SCARB2: variants seen among roughly 807,000 people sequenced by gnomAD.
SCARB2 encodes the protein scavenger receptor class B member 2, also known as lysosome membrane protein 2.
In SCARB2, 29 loss-of-function variants were observed where a neutral mutation model predicts 58.6. The ratio of observed to expected loss-of-function variants is 0.49; its 90% CI spans 0.37 to 0.67. The LOEUF (loss-of-function observed/expected upper bound fraction) is 0.67, where lower values mean the gene tolerates loss of function less well. Among genes scored for constraint, SCARB2 ranks in the 30% least tolerant of loss-of-function variants. SCARB2 has a pLI of 0.00. For missense variants in SCARB2, 488 were observed against 578.5 expected, an observed-to-expected ratio of 0.84 and a Z score of 1.60; for synonymous variants, 195 against 210.1, an observed-to-expected ratio of 0.93 and a Z score of 0.62.
chr4:76,211,865 T>C (rs1733054155), intron 1 of SCARB2, among the ~76,000 whole-genome samples: 1 of 152,232 alleles, frequency 6.6e-6, no homozygotes. Context: ...TGAGCAGCTC[T>C]GAAAGTCCAC....
chr4:76,230,478 GC>G (rs1382072293), intron 1 of SCARB2, among the ~76,000 whole-genome samples: 1 of 152,142 alleles, frequency 6.6e-6, no homozygotes, highest in Non-Finnish European at 1.5e-5. Context: ...GGCCTCACCT[GC>G]CCCTCCCTGT....
At chr4:76,163,085 T>G in intron 11 of SCARB2, 140 bp downstream of exon 11, 2 of 1,069,738 alleles carry the variant, frequency 1.9e-6, no homozygotes, top group East Asian at 2.5e-5. Flanking sequence ...AGCAGTAAAA[T>G]AAGCACGAAA....
intron 1 of SCARB2, among the ~76,000 whole-genome samples, chr4:76,206,628 C>T (rs1732935953): frequency 6.6e-6 from 1 of 151,614 alleles, no homozygotes; most frequent in African/African-American, 2.4e-5. Context: ...TAAGACATTG[C>T]ATTTGGCAGT....
intron 9 of SCARB2, among the ~76,000 whole-genome samples, chr4:76,167,283 T>G (rs138083682): frequency 6.6e-6 from 1 of 152,292 alleles, no homozygotes; most frequent in Non-Finnish European, 1.5e-5. Flanking sequence ...GTTTGGATAC[T>G]TGTTCCCCCA....
rs1309952891 is a variant in SCARB2 at position 76,159,399 on chromosome 4, C to G, written c.*2314G>C. 1 of 152,172 alleles carries G rather than the reference C, an allele frequency of 6.6e-6. No individual in the cohort carries two copies. The highest frequency in any genetic ancestry group is 1.5e-5 in the Non-Finnish European group (1 of 68,030). The allele number at this position is 152,172 out of a possible 1,614,324, so 9.4% of individuals were successfully genotyped here. A position where few individuals can be genotyped will look rare whatever the true frequency, so the allele number is the denominator to read the frequency against. On this transcript the variant is annotated 3_prime_UTR_variant, in exon 12 of 12. Transcript: ENST00000264896. ...CTCAGACTTTTCAGAAGGATAGTAT[C>G]AAATGTGATTTAAACCAAGTAACTA...
At chr4:76,165,613 C>T (rs965900436) in intron 10 of SCARB2, 1 of 152,112 alleles carries the variant, frequency 6.6e-6, no homozygotes, top group Admixed American at 6.5e-5. Context: ...CAGGCTGACA[C>T]AGATTTTGTG....
upstream of SCARB2, chr4:76,217,803 A>G (rs1733239364): frequency 2.5e-6 from 1 of 404,660 alleles, no homozygotes; most frequent in Admixed American, 4.3e-5. Flanking sequence ...TCTGAGAAGA[A>G]CAAGTACACT....
intron 2 of SCARB2, among the ~76,000 whole-genome samples, chr4:76,186,808 T>C (rs1241645533): frequency 6.6e-6 from 1 of 152,202 alleles, no homozygotes; most frequent in African/African-American, 2.4e-5. Context: ...CTATTTTTTT[T>C]TACTTCTGAG....
At chr4:76,170,179 T>A (rs1732100169) in intron 7 of SCARB2, among the ~76,000 whole-genome samples, 194 bp from the exon 8 acceptor site, 1 of 152,168 alleles carries the variant, frequency 6.6e-6, no homozygotes, top group Non-Finnish European at 1.5e-5. Flanking sequence ...GACATCTCAT[T>A]TACCCCCAAT....
At chr4:76,209,355 CTTCT>C in intron 1 of SCARB2, among the ~76,000 whole-genome samples, 1 of 152,162 alleles carries the variant, frequency 6.6e-6, no homozygotes, top group South Asian at 2.1e-4. Flanking sequence ...TTACATTTTA[CTTCT>C]TTTTTTATTT....
At chr4:76,220,129 TC>T (rs1355073571) in intron 1 of SCARB2, among the ~76,000 whole-genome samples, 2 of 152,180 alleles carry the variant, frequency 1.3e-5, no homozygotes, top group Non-Finnish European at 2.9e-5. Context: ...AACAGAATTA[TC>T]ATATGACCTA....
At chr4:76,163,575 A>T (rs1387486629) in intron 10 of SCARB2, 192 bp from the exon 11 acceptor site, 1 of 631,524 alleles carries the variant, frequency 1.6e-6, no homozygotes, top group Non-Finnish European at 2.7e-6. Context: ...TCTTCTCCTG[A>T]AGACATTTTT....
upstream of SCARB2, among the ~76,000 whole-genome samples, chr4:76,216,061 G>T (rs765749508): frequency 6.6e-6 from 1 of 152,098 alleles, no homozygotes; most frequent in Non-Finnish European, 1.5e-5. Flanking sequence ...AACCTGGTGG[G>T]GTCCTGAATG....
At chr4:76,173,288 C>A (rs775759122) in intron 7 of SCARB2, 8 of 151,348 alleles carry the variant, frequency 5.3e-5, no homozygotes, top group African/African-American at 1.9e-4. Flanking sequence ...TGCCATGATA[C>A]GTACTTTCTT....
intron 9 of SCARB2, among the ~76,000 whole-genome samples, chr4:76,168,102 A>C: frequency 6.6e-6 from 1 of 152,226 alleles, no homozygotes; most frequent in East Asian, 1.9e-4. Flanking sequence ...AAGTTACCTA[A>C]ACACTCTGCT....
intron 8 of SCARB2, among the ~76,000 whole-genome samples, chr4:76,169,341 C>CACACACACACACACACACACATAT (rs3217498): frequency 4.6e-5 from 7 of 151,126 alleles, no homozygotes; most frequent in African/African-American, 1.5e-4. Flanking sequence ...CACACACACA[C>CACACACACACACACACACACATAT]GTGTGTATGT....
In SCARB2 at chr4:76,213,813, G is replaced by A. The variant is rs536426142; in HGVS notation, c.-270C>T. On this transcript the variant is annotated 5_prime_UTR_variant, in exon 1 of 12. Transcript: ENST00000264896. ...GCAGCCGTGGCGCCCGCCTAGCGCA[G>A]CTCGGGAGAGTGCAGGGAGCGCGCA... 6 of 345,392 alleles carry A rather than the reference G, an allele frequency of 1.7e-5. No individual in the cohort carries two copies. Among genetic ancestry groups the A allele is most frequent in the African/African-American group, 1.3e-4 (6 of 45,002 alleles). The allele number at this position is 345,392 out of a possible 1,614,324, so 21.4% of individuals were successfully genotyped here. A position where few individuals can be genotyped will look rare whatever the true frequency, so the allele number is the denominator to read the frequency against.
intron 2 of SCARB2, among the ~76,000 whole-genome samples, chr4:76,191,353 T>C (rs1473403931): frequency 6.6e-6 from 1 of 152,212 alleles, no homozygotes; most frequent in Non-Finnish European, 1.5e-5. Context: ...AGTTTTGGTG[T>C]CCCCTCAAAA....
chr4:76,213,449 G>C lies in SCARB2; in HGVS notation c.95C>G (p.Ala32Gly). Residue 32 changes from alanine to glycine, a missense_variant, in exon 1 of 12, where the codon GCT becomes GGT. Transcript: ENST00000264896. The part of the protein sequence containing the change: ...TLLVARVFQK[A>G]VDQSIEKKIV... ...CACCTTCTCGATACTCTGGTCTACAGCCTTCTGGAAGACCCGGGCCACCAG... is the reference window on the plus strand; with the variant it reads ...CACCTTCTCGATACTCTGGTCTACACCCTTCTGGAAGACCCGGGCCACCAG... The C allele has an allele frequency of 6.2e-7, 1 of 1,610,264 alleles. No homozygotes were observed. The highest frequency in any genetic ancestry group is 1.1e-5 in the South Asian group (1 of 90,300).
Sources: allele counts gnomAD v4.1 joint callset (sites outside exome capture counted in the v4.1 genomes callset), GRCh38; gene constraint gnomAD v4.1.1; transcripts MANE v1.5; gene names NCBI Gene and HGNC (gene_info 2026-07-23, HGNC 2026-07-21).